Variants in GAP43 observed in about 807,000 individuals in gnomAD.
GAP43 encodes neuromodulin.
In GAP43, 6 loss-of-function variants were observed where a neutral mutation model predicts 18.6. The observed-to-expected ratio is 0.32, with a 90% CI of 0.18 to 0.64. The LOEUF is 0.64. Ranked by LOEUF, GAP43 falls within the 30% of genes least tolerant of loss-of-function variation. The pLI is 0.78. For synonymous variants in GAP43, 115 were observed against 111.4 expected (o/e 1.03, Z -0.20); for missense variants, 292 against 295.5 (o/e 0.99, Z 0.09).
At chr3:115,711,043 G>A (rs1287738694) in intron 2 of GAP43, among the ~76,000 whole-genome samples, 1 of 152,060 alleles carries the variant, frequency 6.6e-6, no homozygotes, top group African/African-American at 2.4e-5. Context: ...AGGAGTCCTG[G>A]ATTTCAGTGC....
At chr3:115,672,732 C>CCCTTTCCTCTCCTCTCCTCTCCTCT (rs1708829043) in intron 1 of GAP43, among the ~76,000 whole-genome samples, 2 of 107,500 alleles carry the variant, frequency 1.9e-5, no homozygotes, top group African/African-American at 7.3e-5. Flanking sequence ...CTTCCCACAT[C>CCCTTTCCTCTCCTCTCCTCTCCTCT]CCTCTCCTCT....
intron 1 of GAP43, among the ~76,000 whole-genome samples, chr3:115,628,208 C>A (rs890123526): frequency 5.9e-5 from 9 of 151,890 alleles, no homozygotes; most frequent in Admixed American, 5.9e-4. Flanking sequence ...CTTAGTTGAG[C>A]CTTCTGCTTG....
At chr3:115,678,332 T>G (rs1364380596) in intron 2 of GAP43, among the ~76,000 whole-genome samples, 1 of 152,176 alleles carries the variant, frequency 6.6e-6, no homozygotes, top group African/African-American at 2.4e-5. Flanking sequence ...TTAACTGGGA[T>G]TTCTAAAGTT....
At chr3:115,630,931 A>G (rs1307887037) in intron 1 of GAP43, among the ~76,000 whole-genome samples, 1 of 152,214 alleles carries the variant, frequency 6.6e-6, no homozygotes, top group Non-Finnish European at 1.5e-5. Context: ...TTGTTGAAGT[A>G]ATAAATGTAG....
chr3:115,684,563 G>A (rs184900310), intron 2 of GAP43, among the ~76,000 whole-genome samples: 1,803 of 151,754 alleles, frequency 0.012, 10 homozygotes, highest in South Asian at 0.021. Context: ...CTGGAAGAAC[G>A]GTAAGTTCCA....
chr3:115,698,297 T>TAG, intron 2 of GAP43, among the ~76,000 whole-genome samples: 1 of 59,682 alleles, frequency 1.7e-5, no homozygotes, highest in African/African-American at 5.6e-5. Context: ...AATATATATA[T>TAG]TATATATAAA....
intron 1 of GAP43, among the ~76,000 whole-genome samples, chr3:115,652,427 G>A (rs1214833767): frequency 1.6e-5 from 2 of 124,166 alleles, no homozygotes; most frequent in Non-Finnish European, 3.2e-5. Flanking sequence ...CTGTTGTCCA[G>A]GCTTAAGTGC....
chr3:115,720,727 A>T (rs1709566019), intron 2 of GAP43, 67 bp from the exon 3 acceptor site: 3 of 990,298 alleles, frequency 3.0e-6, no homozygotes, highest in Non-Finnish European at 1.6e-6. Context: ...GCACTGTTGT[A>T]TGAGCAGATA....
At chr3:115,671,346 C>A (rs745818043) in intron 1 of GAP43, among the ~76,000 whole-genome samples, 1 of 152,168 alleles carries the variant, frequency 6.6e-6, no homozygotes, top group Non-Finnish European at 1.5e-5. Context: ...CAATTAAAAT[C>A]ATTGTTCATT....
chr3:115,700,332 C>A (rs745866878), intron 2 of GAP43, among the ~76,000 whole-genome samples: 1 of 152,134 alleles, frequency 6.6e-6, no homozygotes, highest in Non-Finnish European at 1.5e-5. Context: ...CCTCCCTCTT[C>A]CTAGATGATA....
chr3:115,646,355 A>T (rs1260675307), intron 1 of GAP43, among the ~76,000 whole-genome samples: 2 of 152,028 alleles, frequency 1.3e-5, no homozygotes, highest in African/African-American at 2.4e-5. Context: ...TGTGCTAGAA[A>T]TTTTTTTCTA....
chr3:115,640,732 G>T (rs1708384137), intron 1 of GAP43, among the ~76,000 whole-genome samples: 1 of 152,038 alleles, frequency 6.6e-6, no homozygotes, highest in African/African-American at 2.4e-5. Context: ...GTTTCCCTTG[G>T]ATTCCAGTGA....
intron 1 of GAP43, chr3:115,663,992 A>T (rs1408291145): frequency 7.2e-7 from 1 of 1,386,512 alleles, no homozygotes; most frequent in African/African-American, 1.5e-5. Flanking sequence ...TAGCTGTATG[A>T]CTTTGAGCAA....
At chr3:115,671,744 TAA>T (rs1311851299) in intron 1 of GAP43, among the ~76,000 whole-genome samples, 1 of 152,210 alleles carries the variant, frequency 6.6e-6, no homozygotes, top group East Asian at 1.9e-4. Flanking sequence ...AGACTTAGTT[TAA>T]AAACTAAATC....
chr3:115,669,301 C>G (rs1004791827), intron 1 of GAP43, among the ~76,000 whole-genome samples: 1 of 152,174 alleles, frequency 6.6e-6, no homozygotes, highest in Non-Finnish European at 1.5e-5. Context: ...GTTAGATGCT[C>G]TTGAATTCCA....
chr3:115,649,822 A>AAAAAAAAAG (rs375806733), intron 1 of GAP43, among the ~76,000 whole-genome samples: 1 of 137,256 alleles, frequency 7.3e-6, no homozygotes, highest in Non-Finnish European at 1.5e-5. Context: ...AAAAAAAAAA[A>AAAAAAAAAG]AAAGAAAGAA....
At chr3:115,698,021 T>C (rs147913203) in intron 2 of GAP43, among the ~76,000 whole-genome samples, 2,965 of 102,418 alleles carry the variant, frequency 0.029, 184 homozygotes, top group African/African-American at 0.1. Context: ...ATAAAATATA[T>C]AACATGTATA....
At chr3:115,676,944 T>C (rs1234608129) in intron 2 of GAP43, among the ~76,000 whole-genome samples, 2 of 152,250 alleles carry the variant, frequency 1.3e-5, no homozygotes, top group Admixed American at 6.5e-5. Context: ...CTGATAGACT[T>C]AGTTTAATAA....
Position 115,661,512 on chromosome 3 carries a change from G to A in GAP43, c.31-14501G>A, listed in dbSNP as rs149023192. 1.9e-3 allele frequency among the ~76,000 whole-genome samples: 287 copies of A among 152,188 alleles called. 1 individual carries two copies. The highest frequency in any genetic ancestry group is 6.5e-3 in the African/African-American group (271 of 41,536). On this transcript the variant is annotated intron_variant, in intron 1 of 2. Coordinates refer to ENST00000305124, the MANE Select transcript of GAP43 (RefSeq NM_002045.4). ...TTTGTTTGTTTTTGTTTTTTTGAGAGGAATCTCGCTCTGTCGCCCAGGCTG... is the reference window on the plus strand; with the variant it reads ...TTTGTTTGTTTTTGTTTTTTTGAGAAGAATCTCGCTCTGTCGCCCAGGCTG...
Sources: allele counts gnomAD v4.1 joint callset (sites outside exome capture counted in the v4.1 genomes callset), GRCh38; gene constraint gnomAD v4.1.1; transcripts MANE v1.5; gene names NCBI Gene and HGNC (gene_info 2026-07-23, HGNC 2026-07-21).